SGCZ: variants seen among roughly 807,000 people sequenced by gnomAD.
SGCZ encodes zeta-sarcoglycan.
Under a neutral mutation model 41.3 loss-of-function variants are expected in SGCZ, and 40 were observed. That is an observed-to-expected ratio of 0.97 (90% confidence interval 0.75 to 1.26). The LOEUF (loss-of-function observed/expected upper bound fraction) is 1.26. Among genes scored for constraint, SGCZ ranks in the 50% most tolerant of loss-of-function variants. SGCZ has a pLI of 0.00. For missense variants in SGCZ, 552 were observed against 369.8 expected (o/e 1.49, Z -4.04); for synonymous variants, 206 against 137.5 (o/e 1.50, Z -3.49).
At chr8:14,286,160 C>G (rs557511875) in intron 3 of SGCZ, among the ~76,000 whole-genome samples, 1 of 151,874 alleles carries the variant, frequency 6.6e-6, no homozygotes, top group African/African-American at 2.4e-5. Flanking sequence ...TATAATGAAT[C>G]CTTTGCTTCC....
rs557186587 is a variant in SGCZ at position 14,509,563 on chromosome 8, A to G, written c.234+45169T>C. ...TCAGCTGTTAGAGGTAAGCTAATAG[A>G]CTAGAAATGTTTAAACAAAAGCAAT... is the stretch of plus-strand genomic sequence containing the variant. On this transcript the variant is annotated intron_variant, in intron 2 of 7. Transcript: ENST00000382080. Among the ~76,000 whole-genome samples, 6 of 152,278 alleles carry G rather than the reference A, an allele frequency of 3.9e-5. No individual in the cohort carries two copies. In the South Asian group the frequency reaches 1.2e-3, roughly 32 times the overall value.
intron 2 of SGCZ, among the ~76,000 whole-genome samples, chr8:14,392,398 C>A (rs1804808643): frequency 6.6e-6 from 1 of 152,116 alleles, no homozygotes; most frequent in Non-Finnish European, 1.5e-5. Context: ...CATCACTGAA[C>A]TGAGGAGCCC....
rs77706351 is a variant in SGCZ at position 14,213,445 on chromosome 8, T to G, written c.424+24147A>C. Among the ~76,000 whole-genome samples, 767 of 152,204 alleles carry G rather than the reference T, an allele frequency of 5.0e-3. 6 individuals are homozygous for G. Among genetic ancestry groups the G allele is most frequent in the African/African-American group, 0.014 (592 of 41,534 alleles). ...GAACTATTTACCTCAATTTCTATATTTGGTAAAACTATCCTTCAGGAACTA... is the reference window on the plus strand; with the variant it reads ...GAACTATTTACCTCAATTTCTATATGTGGTAAAACTATCCTTCAGGAACTA... On this transcript the variant is annotated intron_variant, in intron 4 of 7. Transcript: ENST00000382080.
chr8:14,087,073 G>A lies in SGCZ; in HGVS notation c.*3370C>T, dbSNP rs1801541988. On this transcript the variant is annotated 3_prime_UTR_variant, in exon 8 of 8. Transcript: ENST00000382080. ...TCCATTTTCCGAGATTTGAAGTACT[G>A]TAATCTAAGATTCCTAAGTTACAGT... Among the ~76,000 whole-genome samples the A allele has an allele frequency of 6.6e-6, 1 of 151,624 alleles. No individual in the cohort carries two copies. The highest frequency in any genetic ancestry group is 2.1e-4 in the South Asian group (1 of 4,820).
At chr8:14,695,701 A>G (rs562529930) in intron 1 of SGCZ, among the ~76,000 whole-genome samples, 33 of 152,166 alleles carry the variant, frequency 2.2e-4, no homozygotes, top group Admixed American at 1.6e-3. Flanking sequence ...ACACGCACAC[A>G]CACACACACA....
intron 2 of SGCZ, among the ~76,000 whole-genome samples, chr8:14,530,441 T>C (rs1184064003): frequency 6.6e-6 from 1 of 152,110 alleles, no homozygotes; most frequent in African/African-American, 2.4e-5. Context: ...ATACTTTCAT[T>C]AGATTGATCA....
At chr8:14,586,519 A>G (rs1805063169) in intron 1 of SGCZ, among the ~76,000 whole-genome samples, 1 of 152,172 alleles carries the variant, frequency 6.6e-6, no homozygotes, top group Admixed American at 6.5e-5. Context: ...AGCGCAAAAT[A>G]TGCTTTCATT....
intron 1 of SGCZ, among the ~76,000 whole-genome samples, chr8:14,977,338 T>A (rs1447633313): frequency 6.6e-6 from 1 of 152,140 alleles, no homozygotes; most frequent in East Asian, 1.9e-4. Context: ...AAATGAACAT[T>A]TGCTTAATGA....
chr8:14,255,941 G>C (rs1799447558), intron 3 of SGCZ, among the ~76,000 whole-genome samples: 1 of 151,948 alleles, frequency 6.6e-6, no homozygotes, highest in Non-Finnish European at 1.5e-5. Flanking sequence ...GAACTAATCA[G>C]AAACCAACAA....
chr8:14,284,233 A>G (rs900704559), intron 3 of SGCZ, among the ~76,000 whole-genome samples: 10 of 152,172 alleles, frequency 6.6e-5, no homozygotes, highest in Non-Finnish European at 1.3e-4. Flanking sequence ...TCTACAAAAC[A>G]TTTGAAAAGT....
chr8:14,932,027 A>G (rs971347008), intron 1 of SGCZ, among the ~76,000 whole-genome samples: 1 of 151,944 alleles, frequency 6.6e-6, no homozygotes, highest in South Asian at 2.1e-4. Flanking sequence ...TTAAATATAA[A>G]GTATGTCCAT....
intron 1 of SGCZ, among the ~76,000 whole-genome samples, chr8:15,054,690 C>T (rs1804640417): frequency 6.6e-6 from 1 of 152,098 alleles, no homozygotes; most frequent in Middle Eastern, 3.4e-3. Context: ...CGCAGTGGCT[C>T]ACACCTGCAA....
At chr8:14,440,470 T>C (rs780785042) in intron 2 of SGCZ, among the ~76,000 whole-genome samples, 5 of 152,118 alleles carry the variant, frequency 3.3e-5, no homozygotes, top group Non-Finnish European at 7.4e-5. Flanking sequence ...GAAGTTTCCA[T>C]CGTTTCCTGT....
chr8:14,660,483 A>G (rs1807711843), intron 1 of SGCZ, among the ~76,000 whole-genome samples: 1 of 147,890 alleles, frequency 6.8e-6, no homozygotes, highest in Admixed American at 6.8e-5. Context: ...GAGGCAGGAG[A>G]ATTGCTTGAA....
At chr8:14,527,566 C>G (rs189575100) in intron 2 of SGCZ, among the ~76,000 whole-genome samples, 1,540 of 152,148 alleles carry the variant, frequency 0.01, 9 homozygotes, top group Non-Finnish European at 0.014. Flanking sequence ...ACATCAATAG[C>G]CCTTAAAAAT....
intron 1 of SGCZ, among the ~76,000 whole-genome samples, chr8:15,153,520 C>A (rs920607468): frequency 6.6e-6 from 1 of 152,022 alleles, no homozygotes; most frequent in Non-Finnish European, 1.5e-5. Flanking sequence ...GAAATGTAAC[C>A]CCCAATGATG....
At chr8:14,945,572 A>C (rs1231455168) in intron 1 of SGCZ, among the ~76,000 whole-genome samples, 4 of 152,034 alleles carry the variant, frequency 2.6e-5, no homozygotes, top group African/African-American at 9.7e-5. Context: ...AATGGCTAGA[A>C]AGCTAGTAAA....
At chr8:14,949,282 A>G (rs1249011010) in intron 1 of SGCZ, among the ~76,000 whole-genome samples, 4 of 152,198 alleles carry the variant, frequency 2.6e-5, no homozygotes, top group Admixed American at 2.6e-4. Context: ...GAAGATACTG[A>G]TAAGATTCTC....
intron 2 of SGCZ, among the ~76,000 whole-genome samples, chr8:14,454,289 T>G (rs969087296): frequency 6.6e-6 from 1 of 152,094 alleles, no homozygotes; most frequent in African/African-American, 2.4e-5. Flanking sequence ...AATCTGGACT[T>G]TAGGAACTGG....
Sources: allele counts gnomAD v4.1 joint callset (sites outside exome capture counted in the v4.1 genomes callset), GRCh38; gene constraint gnomAD v4.1.1; transcripts MANE v1.5; gene names NCBI Gene and HGNC (gene_info 2026-07-23, HGNC 2026-07-21).